The following UBAC2 variants were observed in gnomAD, a reference collection of about 807,000 sequenced individuals.
UBAC2 encodes ubiquitin-associated domain-containing protein 2.
A neutral mutation model predicts 44.0 loss-of-function variants in UBAC2; 26 were observed. The ratio of observed to expected loss-of-function variants is 0.59; its 90% CI spans 0.43 to 0.82. The LOEUF (loss-of-function observed/expected upper bound fraction) is 0.82, where lower values mean the gene tolerates loss of function less well. Ranked by LOEUF, UBAC2 falls within the 40% of genes least tolerant of loss-of-function variation. UBAC2 has a pLI of 0.00. For synonymous variants in UBAC2, 155 were observed against 154.3 expected (o/e 1.00, Z -0.04); for missense variants, 329 against 419.4 (o/e 0.78, Z 1.88).
At chr13:99,258,164 T>G (rs1226508133) in intron 4 of UBAC2, 2 of 152,262 alleles carry the variant, frequency 1.3e-5, no homozygotes, top group African/African-American at 4.8e-5. Flanking sequence ...CTCCTGTCCA[T>G]CAAAAGTCTG....
intron 7 of UBAC2, among the ~76,000 whole-genome samples, chr13:99,345,412 T>G (rs2044959550): frequency 1.3e-5 from 2 of 151,002 alleles, no homozygotes; most frequent in Admixed American, 1.3e-4. Flanking sequence ...AGGAGGTTTC[T>G]AAAGCCCGGC....
At chr13:99,228,287 AT>A (rs1397069826) in intron 1 of UBAC2, among the ~76,000 whole-genome samples, 1 of 139,792 alleles carries the variant, frequency 7.2e-6, no homozygotes, top group Admixed American at 7.2e-5. Context: ...CTCTATATTC[AT>A]TCATTTTTTT....
intron 4 of UBAC2, among the ~76,000 whole-genome samples, chr13:99,280,796 T>C (rs1044972216): frequency 6.6e-6 from 1 of 152,086 alleles, no homozygotes; most frequent in African/African-American, 2.4e-5. Context: ...TTTTCCTTTC[T>C]TCCTTCCCTC....
At chr13:99,358,477 C>G (rs1278250171) in intron 7 of UBAC2, among the ~76,000 whole-genome samples, 1 of 152,154 alleles carries the variant, frequency 6.6e-6, no homozygotes, top group Non-Finnish European at 1.5e-5. Context: ...CCACTCTTCT[C>G]AGTAATTCTG....
intron 8 of UBAC2, among the ~76,000 whole-genome samples, chr13:99,381,018 T>A (rs1286209231): frequency 6.6e-6 from 1 of 152,244 alleles, no homozygotes; most frequent in Non-Finnish European, 1.5e-5. Flanking sequence ...CCAGTCTTAG[T>A]TGTCAAAACC....
At chr13:99,278,148 TTC>T (rs1428190740) in intron 4 of UBAC2, among the ~76,000 whole-genome samples, 1 of 152,228 alleles carries the variant, frequency 6.6e-6, no homozygotes, top group Non-Finnish European at 1.5e-5. Flanking sequence ...ACCAACATTA[TTC>T]TGTGGATTAA....
intron 6 of UBAC2, among the ~76,000 whole-genome samples, chr13:99,320,413 A>G (rs1468067209): frequency 6.6e-6 from 1 of 152,212 alleles, no homozygotes; most frequent in Non-Finnish European, 1.5e-5. Context: ...TGTGTTTGGA[A>G]TATAATTCAA....
chr13:99,335,051 G>C (rs1213810031), intron 6 of UBAC2, among the ~76,000 whole-genome samples: 4 of 152,190 alleles, frequency 2.6e-5, no homozygotes, highest in African/African-American at 9.7e-5. Context: ...TATGACGAAA[G>C]GGTCAGTTGT....
chr13:99,240,228 G>A (rs1418639281), intron 2 of UBAC2, among the ~76,000 whole-genome samples: 4 of 152,120 alleles, frequency 2.6e-5, no homozygotes, highest in African/African-American at 7.2e-5. Context: ...AGTGCAAGCC[G>A]GTAGCCAGTT....
chr13:99,343,917 A>G (rs2044932253), intron 7 of UBAC2, among the ~76,000 whole-genome samples: 1 of 152,190 alleles, frequency 6.6e-6, no homozygotes, highest in Non-Finnish European at 1.5e-5. Flanking sequence ...ATTTTCATTT[A>G]CTTTTCAACA....
chr13:99,362,865 GA>G (rs1215163432), intron 7 of UBAC2, among the ~76,000 whole-genome samples: 2 of 152,078 alleles, frequency 1.3e-5, no homozygotes. Context: ...AGTAACAATT[GA>G]ACTTTTAATA....
rs1157530121 is a variant in UBAC2, at chr13:99,224,883, G to T, written c.32-13544G>T. On this transcript the variant is annotated intron_variant, in intron 1 of 8. Transcript: ENST00000403766. ...GTAGTAAAAGTACAAATCTTGAGTT[G>T]ATGAGCGAATCTTGTTGTCTATAAT... 2.6e-5 allele frequency among the ~76,000 whole-genome samples: 4 copies of T among 152,328 alleles called. No individual in the cohort carries two copies. In the East Asian group the frequency reaches 7.7e-4, roughly 29 times the overall value.
intron 4 of UBAC2, among the ~76,000 whole-genome samples, chr13:99,280,262 C>G (rs1003570783): frequency 6.6e-6 from 1 of 152,210 alleles, no homozygotes; most frequent in Non-Finnish European, 1.5e-5. Flanking sequence ...ATCTTCCCAG[C>G]CTCATTTTCT....
At chr13:99,377,587 A>C (rs1312579359) in intron 8 of UBAC2, 1 of 152,254 alleles carries the variant, frequency 6.6e-6, no homozygotes, top group Admixed American at 6.5e-5. Context: ...TTATTTATAT[A>C]GTCATCAGAG....
At chr13:99,360,816 T>C (rs2045255245) in intron 7 of UBAC2, among the ~76,000 whole-genome samples, 1 of 152,196 alleles carries the variant, frequency 6.6e-6, no homozygotes, top group African/African-American at 2.4e-5. Context: ...ATCTTAATTA[T>C]ATATCATCTT....
intron 1 of UBAC2, chr13:99,215,475 A>G: frequency 7.1e-7 from 1 of 1,406,512 alleles, no homozygotes; most frequent in Non-Finnish European, 1.0e-6. Context: ...CCAATTCTTC[A>G]TCTGCACGAA....
chr13:99,282,619 C>G (rs114187552), intron 4 of UBAC2, among the ~76,000 whole-genome samples: 1 of 152,134 alleles, frequency 6.6e-6, no homozygotes, highest in Admixed American at 6.5e-5. Flanking sequence ...GGAAGTTTAA[C>G]GCTGGTTAAG....
chr13:99,243,261 T>A (rs1433745954), intron 2 of UBAC2, among the ~76,000 whole-genome samples: 1 of 137,560 alleles, frequency 7.3e-6, no homozygotes, highest in African/African-American at 2.7e-5. Flanking sequence ...TTTTTGTATG[T>A]CCCCTTATAT....
chr13:99,341,422 G>T (rs114485760), intron 7 of UBAC2, among the ~76,000 whole-genome samples: 3 of 150,784 alleles, frequency 2.0e-5, no homozygotes, highest in East Asian at 2.0e-4. Context: ...TATATCAGGG[G>T]GGGGGAGGAA....
Sources: gnomAD v4.1 joint callset for allele counts (sites outside exome capture counted in the v4.1 genomes callset) on GRCh38, gnomAD v4.1.1 for gene constraint, MANE v1.5 for transcripts, NCBI Gene and HGNC (gene_info 2026-07-23, HGNC 2026-07-21) for gene names.